The following MAGI2 variants were observed in gnomAD, a reference collection of about 807,000 sequenced individuals.
MAGI2 encodes membrane associated guanylate kinase, WW and PDZ domain containing 2.
MAGI2 carries 35 observed loss-of-function variants against 133.3 expected under a neutral mutation model. The observed-to-expected ratio is 0.26, with a 90% CI of 0.20 to 0.35. MAGI2 has a LOEUF of 0.35. Among genes scored for constraint, MAGI2 ranks in the 10% least tolerant of loss-of-function variants. The pLI is 1.00. For synonymous variants in MAGI2, 729 were observed against 710.6 expected, an observed-to-expected ratio of 1.03 and a Z score of -0.41; for missense variants, 1,636 against 1,863.4, an observed-to-expected ratio of 0.88 and a Z score of 2.25.
chr7:78,450,381 T>C (rs756401250), intron 6 of MAGI2, among the ~76,000 whole-genome samples: 1 of 152,192 alleles, frequency 6.6e-6, no homozygotes, highest in Middle Eastern at 3.4e-3. Flanking sequence ...GTTAGAAATA[T>C]AAAAGATGGG....
intron 2 of MAGI2, among the ~76,000 whole-genome samples, chr7:79,002,933 G>T (rs1349734559): frequency 1.3e-5 from 2 of 149,602 alleles, no homozygotes; most frequent in East Asian, 3.9e-4. Flanking sequence ...TTAGAATTAG[G>T]CGGGCTCTGA....
At chr7:79,127,984 TAAGG>T (rs1360376325) in intron 1 of MAGI2, among the ~76,000 whole-genome samples, 14 of 152,174 alleles carry the variant, frequency 9.2e-5, no homozygotes, top group Admixed American at 1.3e-4. Context: ...GTATAAGGTG[TAAGG>T]AAGGGATCCA....
chr7:79,144,545 T>A (rs563001420), intron 1 of MAGI2, among the ~76,000 whole-genome samples: 2 of 152,198 alleles, frequency 1.3e-5, no homozygotes, highest in Non-Finnish European at 2.9e-5. Context: ...GTCGGCAGAA[T>A]TGTGAGTCGA....
chr7:78,290,602 A>T (rs1796603876), intron 9 of MAGI2, among the ~76,000 whole-genome samples: 1 of 152,212 alleles, frequency 6.6e-6, no homozygotes, highest in Admixed American at 6.5e-5. Flanking sequence ...CCTAATAGAC[A>T]TCTACAGAAC....
At chr7:79,310,960 A>G (rs996953579) in intron 1 of MAGI2, among the ~76,000 whole-genome samples, 4 of 151,830 alleles carry the variant, frequency 2.6e-5, no homozygotes, top group African/African-American at 9.7e-5. Context: ...ACACACACAC[A>G]CACACACCCC....
At chr7:78,802,479 A>C (rs1788153541) in intron 2 of MAGI2, among the ~76,000 whole-genome samples, 1 of 152,174 alleles carries the variant, frequency 6.6e-6, no homozygotes, top group Admixed American at 6.5e-5. Flanking sequence ...TTTAAGCCCC[A>C]AGACCTCTCA....
chr7:78,231,689 C>A (rs1014046739), intron 10 of MAGI2, among the ~76,000 whole-genome samples: 1 of 152,098 alleles, frequency 6.6e-6, no homozygotes, highest in Admixed American at 6.6e-5. Context: ...TCCCTCCTTC[C>A]CTACACCTGA....
intron 1 of MAGI2, among the ~76,000 whole-genome samples, chr7:79,173,913 T>A (rs1397648574): frequency 6.6e-6 from 1 of 152,034 alleles, no homozygotes; most frequent in Non-Finnish European, 1.5e-5. Context: ...GAATTCAGTG[T>A]GTCATATTTT....
chr7:78,662,273 A>G (rs546412253), intron 2 of MAGI2, among the ~76,000 whole-genome samples: 3 of 152,276 alleles, frequency 2.0e-5, no homozygotes, highest in South Asian at 4.1e-4. Context: ...CATCTACTAT[A>G]TGGAGCCCTT....
At chr7:78,378,408 T>A (rs925342564) in intron 6 of MAGI2, among the ~76,000 whole-genome samples, 3 of 152,106 alleles carry the variant, frequency 2.0e-5, no homozygotes, top group Admixed American at 6.6e-5. Context: ...TGTTGTCATA[T>A]AGCCGGAAAA....
chr7:78,277,277 C>A (rs1292817993), intron 9 of MAGI2, among the ~76,000 whole-genome samples: 12 of 152,068 alleles, frequency 7.9e-5, no homozygotes, highest in Admixed American at 7.2e-4. Flanking sequence ...ATGTGTAATT[C>A]CCATTTAATA....
intron 6 of MAGI2, among the ~76,000 whole-genome samples, chr7:78,375,940 TATAGA>T (rs1428921522): frequency 2.6e-5 from 4 of 152,168 alleles, no homozygotes; most frequent in Admixed American, 1.3e-4. Context: ...AAGGATAAAA[TATAGA>T]ATAGATGACT....
intron 1 of MAGI2, among the ~76,000 whole-genome samples, chr7:79,160,300 G>GA (rs746691954): frequency 7.3e-4 from 111 of 151,886 alleles, no homozygotes; most frequent in Admixed American, 1.4e-3. Flanking sequence ...TTAAAATAAA[G>GA]AAAAAATCAT....
rs535291462 is a variant in MAGI2, at chr7:79,033,082, G to C, written c.302-25876C>G. On this transcript the variant is annotated intron_variant, in intron 1 of 21. Coordinates refer to ENST00000354212, the MANE Select transcript of MAGI2 (RefSeq NM_012301.4). ...GTCCAGGTTTAGAAGACCTAGTTGA[G>C]GTATGCTCTTGGATCTGTTCTATCT... 1.9e-4 allele frequency among the ~76,000 whole-genome samples: 29 copies of C among 152,218 alleles called. No homozygotes were observed. The South Asian group carries it at 6.0e-3, about 32-fold the overall frequency.
At chr7:78,554,336 C>G (rs1799606070) in intron 3 of MAGI2, among the ~76,000 whole-genome samples, 1 of 152,212 alleles carries the variant, frequency 6.6e-6, no homozygotes, top group South Asian at 2.1e-4. Context: ...GGTCACACTT[C>G]TGAGCTAATC....
intron 2 of MAGI2, among the ~76,000 whole-genome samples, chr7:78,947,979 A>G (rs966514907): frequency 6.6e-6 from 1 of 152,100 alleles, no homozygotes; most frequent in Non-Finnish European, 1.5e-5. Context: ...ACTGTGAGTG[A>G]CAATGTGCAT....
At chr7:78,310,152 A>G (rs752353252) in intron 9 of MAGI2, among the ~76,000 whole-genome samples, 28 of 152,130 alleles carry the variant, frequency 1.8e-4, no homozygotes. Flanking sequence ...AAAGTACATT[A>G]GTGGCCAGGC....
intron 3 of MAGI2, among the ~76,000 whole-genome samples, chr7:78,523,877 C>T (rs1796722079): frequency 6.6e-6 from 1 of 152,042 alleles, no homozygotes; most frequent in East Asian, 1.9e-4. Context: ...GGCCGAAAAA[C>T]CATGAGAAAA....
intron 1 of MAGI2, among the ~76,000 whole-genome samples, chr7:79,157,162 G>C (rs1366195085): frequency 6.6e-6 from 1 of 152,052 alleles, no homozygotes; most frequent in African/African-American, 2.4e-5. Flanking sequence ...ATGAGAAACT[G>C]AACTGTTGTT....
Sources: gnomAD v4.1 joint callset for allele counts (sites outside exome capture counted in the v4.1 genomes callset) on GRCh38, gnomAD v4.1.1 for gene constraint, MANE v1.5 for transcripts, NCBI Gene and HGNC (gene_info 2026-07-23, HGNC 2026-07-21) for gene names.